TMEM132C: variants seen among roughly 807,000 people sequenced by gnomAD.
TMEM132C encodes protein phosphatase 1, regulatory subunit 152.
TMEM132C carries 29 observed loss-of-function variants against 61.4 expected under a neutral mutation model. That is an observed-to-expected ratio of 0.47 (90% CI 0.35 to 0.64). The LOEUF is 0.64. Among genes scored for constraint, TMEM132C ranks in the 30% least tolerant of loss-of-function variants. The pLI is 0.00. For synonymous variants in TMEM132C, 656 were observed against 633.1 expected, an observed-to-expected ratio of 1.04 and a Z score of -0.54; for missense variants, 1,408 against 1,476.9, an observed-to-expected ratio of 0.95 and a Z score of 0.76.
Position 128,705,606 on chromosome 12 carries a change from G to T in TMEM132C, c.2638G>T (p.Ala880Ser). The change falls in exon 9 of 9, where the codon GCA (alanine) becomes TCA (serine). Residue 880 changes from alanine to serine, a missense_variant. Physicochemically the swap from Ala to Ser is moderately conservative, Grantham distance 99. Transcript: ENST00000435159. ...KNSRADGGRLAGEGQLQNIPI... is the reference protein window; with the variant it reads ...KNSRADGGRLSGEGQLQNIPI... ...CAGTCGGGCAGACGGGGGCAGGCTG[G>T]CAGGAGAGGGGCAGCTGCAGAACAT... 6.4e-7 allele frequency: 1 copy of T among 1,551,098 alleles called. No homozygotes were observed. The highest frequency in any genetic ancestry group is 8.7e-7 in the Non-Finnish European group (1 of 1,147,004).
chr12:128,535,895 A>G (rs527805988), intron 2 of TMEM132C, among the ~76,000 whole-genome samples: 29 of 151,952 alleles, frequency 1.9e-4, no homozygotes, highest in Non-Finnish European at 3.7e-4. Flanking sequence ...GAAACAACAG[A>G]TACTGGAAAG....
At chr12:128,681,817 A>ATTTTTTTTTTTTTTTTT (rs35154554) in intron 5 of TMEM132C, among the ~76,000 whole-genome samples, 2 of 86,478 alleles carry the variant, frequency 2.3e-5, no homozygotes, top group African/African-American at 4.8e-5. Context: ...CCACGCCTGG[A>ATTTTTTTTTTTTTTTTT]TTTTTTTTTT....
At chr12:128,555,112 C>A (rs2136158576) in intron 3 of TMEM132C, among the ~76,000 whole-genome samples, 1 of 152,288 alleles carries the variant, frequency 6.6e-6, no homozygotes, top group Middle Eastern at 3.4e-3. Context: ...AAAAGTAAAT[C>A]AGGCAGGTAA....
chr12:128,413,908 T>G (rs1320870414), intron 1 of TMEM132C, among the ~76,000 whole-genome samples: 1 of 152,244 alleles, frequency 6.6e-6, no homozygotes, highest in Non-Finnish European at 1.5e-5. Context: ...GAGTCATAAT[T>G]GTGAAGCTCT....
At chr12:128,440,931 C>T (rs956820621) in intron 2 of TMEM132C, among the ~76,000 whole-genome samples, 1 of 151,892 alleles carries the variant, frequency 6.6e-6, no homozygotes, top group Non-Finnish European at 1.5e-5. Context: ...GTCTCAGCTA[C>T]TTGGGAGGCT....
intron 3 of TMEM132C, among the ~76,000 whole-genome samples, chr12:128,582,230 A>C (rs776585356): frequency 6.6e-6 from 1 of 152,262 alleles, no homozygotes; most frequent in African/African-American, 2.4e-5. Context: ...AAAAATTGCC[A>C]TTAAACCTGG....
At chr12:128,302,108 A>G (rs542414465) in intron 1 of TMEM132C, among the ~76,000 whole-genome samples, 1 of 152,340 alleles carries the variant, frequency 6.6e-6, no homozygotes, top group East Asian at 1.9e-4. Context: ...GACACAGCCA[A>G]ACCACATCAG....
intron 1 of TMEM132C, among the ~76,000 whole-genome samples, chr12:128,391,955 C>T (rs936876763): frequency 6.6e-6 from 1 of 152,126 alleles, no homozygotes; most frequent in African/African-American, 2.4e-5. Flanking sequence ...CTCAATTTTG[C>T]CTCTTGTCAT....
intron 1 of TMEM132C, among the ~76,000 whole-genome samples, chr12:128,332,284 A>C (rs555831902): frequency 1.3e-5 from 2 of 152,342 alleles, no homozygotes; most frequent in East Asian, 3.9e-4. Context: ...TTGTTTGAAG[A>C]AGGTATGCCT....
chr12:128,387,784 G>A (rs10773535), intron 1 of TMEM132C, among the ~76,000 whole-genome samples: 35,491 of 152,132 alleles, frequency 0.23, 4,766 homozygotes, highest in South Asian at 0.4. Context: ...CTCCAGCCTG[G>A]GCAACAGAGT....
At chr12:128,305,482 C>T (rs1871739031) in intron 1 of TMEM132C, among the ~76,000 whole-genome samples, 1 of 151,538 alleles carries the variant, frequency 6.6e-6, no homozygotes, top group Non-Finnish European at 1.5e-5. Flanking sequence ...ATTCTCTAAA[C>T]GTTAAGTTTC....
At chr12:128,596,867 A>G (rs1175102827) in intron 3 of TMEM132C, among the ~76,000 whole-genome samples, 1 of 148,292 alleles carries the variant, frequency 6.7e-6, no homozygotes, top group East Asian at 1.9e-4. Flanking sequence ...CAAGTGCTTT[A>G]TCATCTCCAT....
intron 2 of TMEM132C, among the ~76,000 whole-genome samples, chr12:128,489,968 G>A (rs1290437332): frequency 1.3e-5 from 2 of 152,152 alleles, no homozygotes; most frequent in Non-Finnish European, 2.9e-5. Context: ...TTGCAGACAT[G>A]TCATGGACCC....
chr12:128,627,215 C>T (rs1954025058), intron 4 of TMEM132C, among the ~76,000 whole-genome samples: 1 of 152,170 alleles, frequency 6.6e-6, no homozygotes, highest in African/African-American at 2.4e-5. Flanking sequence ...ATATCCAATA[C>T]AATTATTGTT....
chr12:128,271,269 TAA>T (rs1566037265), intron 1 of TMEM132C, among the ~76,000 whole-genome samples: 921 of 15,756 alleles, frequency 0.058, 11 homozygotes, highest in African/African-American at 0.3. Flanking sequence ...AATAATAATA[TAA>T]TAATAATAAT....
At chr12:128,389,020 C>A (rs1406092307) in intron 1 of TMEM132C, among the ~76,000 whole-genome samples, 2 of 151,964 alleles carry the variant, frequency 1.3e-5, no homozygotes, top group African/African-American at 4.8e-5. Flanking sequence ...ACCTTCACAC[C>A]CTGCAAGAGT....
At chr12:128,492,245 T>C (rs1188972720) in intron 2 of TMEM132C, among the ~76,000 whole-genome samples, 1 of 152,244 alleles carries the variant, frequency 6.6e-6, no homozygotes, top group Non-Finnish European at 1.5e-5. Context: ...TAATTCAGTC[T>C]ATCATTGATG....
chr12:128,328,378 T>C (rs899726083), intron 1 of TMEM132C, among the ~76,000 whole-genome samples: 1 of 152,160 alleles, frequency 6.6e-6, no homozygotes, highest in Non-Finnish European at 1.5e-5. Flanking sequence ...ACTGTTGTGG[T>C]AGAACTAACA....
chr12:128,348,322 T>A (rs187044045), intron 1 of TMEM132C, among the ~76,000 whole-genome samples: 31 of 152,362 alleles, frequency 2.0e-4, no homozygotes, highest in Non-Finnish European at 2.5e-4. Flanking sequence ...AGCTGTAATT[T>A]TTCTTTATGG....
Sources: gnomAD v4.1 joint callset for allele counts (sites outside exome capture counted in the v4.1 genomes callset) on GRCh38, gnomAD v4.1.1 for gene constraint, MANE v1.5 for transcripts, NCBI Gene and HGNC (gene_info 2026-07-23, HGNC 2026-07-21) for gene names.